The following LPIN1 variants were observed in gnomAD, a reference collection of about 807,000 sequenced individuals.
LPIN1 encodes phosphatidate phosphatase LPIN1.
In LPIN1, 71 loss-of-function variants were observed where a neutral mutation model predicts 107.5. That is an observed-to-expected ratio of 0.66 (90% CI 0.55 to 0.80). The LOEUF (loss-of-function observed/expected upper bound fraction) is 0.80. Among genes scored for constraint, LPIN1 ranks in the 30% least tolerant of loss-of-function variants. The probability of loss-of-function intolerance (pLI) is 0.00; values close to 1 mark genes in which losing one functional copy is unlikely to be tolerated. For missense variants in LPIN1, 1,043 were observed against 1,160.6 expected, an observed-to-expected ratio of 0.90 and a Z score of 1.47; for synonymous variants, 445 against 452.6, an observed-to-expected ratio of 0.98 and a Z score of 0.21.
At chr2:11,802,834 T>G in intron 14 of LPIN1, 73 bp from the exon 15 acceptor site, 1 of 1,563,834 alleles carries the variant, frequency 6.4e-7, no homozygotes, top group East Asian at 2.2e-5. Context: ...AGTCATTGAT[T>G]AAAGGCTAAT....
At chr2:11,715,153 G>A (rs1383769373) in intron 2 of LPIN1, among the ~76,000 whole-genome samples, 1 of 152,196 alleles carries the variant, frequency 6.6e-6, no homozygotes, top group Non-Finnish European at 1.5e-5. Flanking sequence ...TTCACCTGTG[G>A]GTGGGAGCGC....
chr2:11,800,337 A>G (rs935469668), intron 14 of LPIN1, among the ~76,000 whole-genome samples: 3 of 152,162 alleles, frequency 2.0e-5, no homozygotes, highest in East Asian at 1.9e-4. Context: ...ACAACACAGA[A>G]GTGGAGGTGC....
chr2:11,747,646 C>T (rs1340605890), intron 1 of LPIN1, among the ~76,000 whole-genome samples: 2 of 151,992 alleles, frequency 1.3e-5, no homozygotes, highest in Admixed American at 1.3e-4. Flanking sequence ...GACTGTTTAT[C>T]CTTTGTTCCG....
chr2:11,682,951 C>T (rs189584655), intron 1 of LPIN1: 1 of 152,294 alleles, frequency 6.6e-6, no homozygotes, highest in Non-Finnish European at 1.5e-5. Flanking sequence ...GCCAAAGCAC[C>T]TTAGTGTGTA....
chr2:11,795,563 A>C, intron 14 of LPIN1, 76 bp downstream of exon 14: 1 of 1,301,562 alleles, frequency 7.7e-7, no homozygotes, highest in East Asian at 2.3e-5. Context: ...GCCTGGATGC[A>C]GATAGGGTTC....
chr2:11,793,318 A>G (rs1338550453), intron 13 of LPIN1, among the ~76,000 whole-genome samples: 2 of 152,124 alleles, frequency 1.3e-5, no homozygotes, highest in Non-Finnish European at 2.9e-5. Flanking sequence ...ACAAATCTGC[A>G]TTACCATCAT....
chr2:11,779,088 G>A (rs1673121310), intron 6 of LPIN1, among the ~76,000 whole-genome samples: 1 of 152,178 alleles, frequency 6.6e-6, no homozygotes, highest in Admixed American at 6.5e-5. Flanking sequence ...ACTCTAATGA[G>A]TGCCTGCCCG....
At chr2:11,824,237 C>G (rs566096616) in intron 20 of LPIN1, among the ~76,000 whole-genome samples, 1 of 151,932 alleles carries the variant, frequency 6.6e-6, no homozygotes, top group African/African-American at 2.4e-5. Context: ...TGCAATGAAG[C>G]AATCTCTGTC....
intron 1 of LPIN1, chr2:11,682,448 A>G (rs575356445): frequency 6.5e-6 from 1 of 152,960 alleles, no homozygotes; most frequent in South Asian, 2.1e-4. Context: ...ACAGACGCCG[A>G]TCTTCAATCC....
intron 1 of LPIN1, among the ~76,000 whole-genome samples, chr2:11,699,552 C>T (rs532076844): frequency 3.3e-5 from 5 of 152,000 alleles, no homozygotes; most frequent in East Asian, 3.8e-4. Context: ...GGTATGGTTT[C>T]GACACCTGTT....
At chr2:11,822,134 A>T (rs947953451) in intron 20 of LPIN1, among the ~76,000 whole-genome samples, 2 of 152,086 alleles carry the variant, frequency 1.3e-5, no homozygotes, top group African/African-American at 4.8e-5. Flanking sequence ...TAATTTATAC[A>T]GGAGAAAGGA....
Position 11,815,146 on chromosome 2 carries a change from C to T in LPIN1, c.2308C>T (p.Arg770Trp), listed in dbSNP as rs200324087. The change falls in exon 18 of 21, where the codon CGG becomes TGG. Residue 770 changes from arginine to tryptophan, a missense_variant. Transcript: ENST00000674199. ...ARAIGMADMT[R>W]GYLHWVNERG... Reference sequence around the variant, plus strand: ...TGCCATCGGGATGGCGGACATGACGCGGGGCTACCTGCACTGGGTCAACGA... The same window carrying T: ...TGCCATCGGGATGGCGGACATGACGTGGGGCTACCTGCACTGGGTCAACGA... The T allele has an allele frequency of 8.7e-6, 14 of 1,614,178 alleles. No individual in the cohort carries two copies. Among genetic ancestry groups the T allele is most frequent in the African/African-American group, 2.7e-5 (2 of 75,056 alleles).
intron 1 of LPIN1, among the ~76,000 whole-genome samples, chr2:11,695,514 A>G (rs7597788): frequency 0.57 from 85,969 of 151,886 alleles, 26,065 homozygotes; most frequent in African/African-American, 0.8. Flanking sequence ...AGGCAAGAGA[A>G]GGCATCTAGA....
intron 1 of LPIN1, 102 bp downstream of exon 1, chr2:11,746,773 A>T: frequency 7.3e-6 from 4 of 546,960 alleles, no homozygotes; most frequent in Non-Finnish European, 9.3e-6. Context: ...ACGCGTGGCG[A>T]GGCGGGGGCT....
At position 11,825,892 on chromosome 2, in the gene LPIN1, C is replaced by T. The variant is rs886054804; in HGVS notation, c.*1101C>T. 1.3e-5 allele frequency: 2 copies of T among 152,190 alleles called. No individual in the cohort carries two copies. The highest frequency in any genetic ancestry group is 2.4e-5 in the African/African-American group (1 of 41,426). The allele number at this position is 152,190 out of a possible 1,614,324, so 9.4% of individuals were successfully genotyped here. A position where few individuals can be genotyped will look rare whatever the true frequency, so the allele number is the denominator to read the frequency against. On this transcript the variant is annotated 3_prime_UTR_variant, in exon 21 of 21. Transcript: ENST00000674199. The surrounding 1 kb of genome is among the most constrained non-coding windows in gnomAD (Gnocchi z 4.1). ...TAAAAAGATGTATGTGTTAGACTAT[C>T]GAAAGGGCCTTATTCTCTCTTTCTC...
chr2:11,789,455 T>C (rs1000908275), intron 12 of LPIN1, among the ~76,000 whole-genome samples: 1 of 151,582 alleles, frequency 6.6e-6, no homozygotes, highest in Non-Finnish European at 1.5e-5. Flanking sequence ...CATGTGTATA[T>C]GTGTGGATGT....
intron 20 of LPIN1, among the ~76,000 whole-genome samples, chr2:11,822,569 A>T (rs1681731172): frequency 6.6e-6 from 1 of 151,454 alleles, no homozygotes; most frequent in Non-Finnish European, 1.5e-5. Context: ...GTGCAGGGAA[A>T]CTCCCCCTTA....
At chr2:11,800,005 T>C (rs1677407317) in intron 14 of LPIN1, among the ~76,000 whole-genome samples, 1 of 152,206 alleles carries the variant, frequency 6.6e-6, no homozygotes, top group African/African-American at 2.4e-5. Flanking sequence ...TTCTAGCCGA[T>C]GCTCTGTTTT....
intron 1 of LPIN1, among the ~76,000 whole-genome samples, chr2:11,725,792 G>A (rs780010887): frequency 3.8e-4 from 58 of 152,202 alleles, no homozygotes; most frequent in East Asian, 1.9e-4. Context: ...AGGGAAACAC[G>A]TGGGCACAAT....
Sources: gnomAD v4.1 joint callset for allele counts (sites outside exome capture counted in the v4.1 genomes callset) on GRCh38, gnomAD v4.1.1 for gene constraint, Gnocchi (gnomAD v3.1) non-coding constraint, MANE v1.5 for transcripts, NCBI Gene and HGNC (gene_info 2026-07-23, HGNC 2026-07-21) for gene names.